ZNF331: variants seen among roughly 807,000 people sequenced by gnomAD.
The protein encoded by ZNF331 is C2H2-like zinc finger protein rearranged in thyroid adenomas.
ZNF331 carries 2 observed loss-of-function variants against 7.0 expected under a neutral mutation model. The ratio of observed to expected loss-of-function variants is 0.29; its 90% CI spans 0.12 to 0.90. The LOEUF (loss-of-function observed/expected upper bound fraction) is 0.90, where lower values mean the gene tolerates loss of function less well. Ranked by LOEUF, ZNF331 falls within the 40% of genes least tolerant of loss-of-function variation. The probability of loss-of-function intolerance (pLI) is 0.58; values close to 1 mark genes in which losing one functional copy is unlikely to be tolerated. For synonymous variants in ZNF331, 196 were observed against 205.4 expected, an observed-to-expected ratio of 0.95 and a Z score of 0.39; for missense variants, 432 against 587.7, an observed-to-expected ratio of 0.74 and a Z score of 2.74.
rs60619357 is a variant in ZNF331 at position 53,550,529 on chromosome 19, C to CTTTTTTTTTTTTTT, written c.-137-5304_-137-5291dup. Among the ~76,000 whole-genome samples, 69 of 64,546 alleles carry CTTTTTTTTTTTTTT rather than the reference C, an allele frequency of 1.1e-3. 1 individual carries two copies. The highest frequency in any genetic ancestry group is 1.8e-3 in the East Asian group (3 of 1,658). 42.3% of individuals were successfully genotyped at this position (64,546 alleles called of 152,430 possible). On this transcript the variant is annotated intron_variant, in intron 2 of 5. Transcript: ENST00000449416. ...GTTTTTGATTTAAAGTCTATTTTGT[C>CTTTTTTTTTTTTTT]TTTTTTTTTTTTTTTTTTTTTTTTT... is the stretch of plus-strand genomic sequence containing the variant.
In ZNF331 at chr19:53,571,788, T is replaced by G; in HGVS notation, c.136+58T>G. Reference sequence around the variant, plus strand: ...CTCCTGGAATATCCGCTCTCCCCTGTGAATTTCAGGACCGCCTTTCAAGAA... The same window carrying G: ...CTCCTGGAATATCCGCTCTCCCCTGGGAATTTCAGGACCGCCTTTCAAGAA... On this transcript the variant is annotated intron_variant, in intron 5 of 5. Coordinates refer to ENST00000449416, the MANE Select transcript of ZNF331 (RefSeq NM_001079906.2). This position sits in a 1 kb window ranked among gnomAD's most constrained non-coding sequence, Gnocchi z 4.7. 3 of 1,536,496 alleles carry G rather than the reference T, an allele frequency of 2.0e-6. No homozygotes were observed. Among genetic ancestry groups the G allele is most frequent in the Non-Finnish European group, 2.6e-6 (3 of 1,142,228 alleles).
At chr19:53,531,132 A>G (rs1375297067) in intron 2 of ZNF331, among the ~76,000 whole-genome samples, 1 of 152,110 alleles carries the variant, frequency 6.6e-6, no homozygotes, top group Non-Finnish European at 1.5e-5. Context: ...CCCTAAACCA[A>G]CATTCTTACG....
In ZNF331 at chr19:53,577,091, T is replaced by C. The variant is rs1209529610; in HGVS notation, c.531T>C (p.His177=). ...AFRWGNQLTQ[H]QKIHTGEKPY... is the part of the protein sequence containing the mutation. The stretch of plus-strand genomic sequence containing the variant: ...GTTGGGGCAATCAGCTTACTCAACA[T>C]CAAAAAATTCATACTGGGGAGAAGC... The change falls in exon 6 of 6, where the codon CAT becomes CAC. Residue 177 remains histidine, a synonymous_variant. Transcript: ENST00000449416. 1.9e-6 allele frequency: 3 copies of C among 1,613,852 alleles called. No individual in the cohort carries two copies. Among genetic ancestry groups the C allele is most frequent in the Middle Eastern group, 1.6e-4 (1 of 6,084 alleles).
the ZNF331 span, among the ~76,000 whole-genome samples, chr19:53,508,963 A>T: frequency 8.5e-5 from 13 of 152,268 alleles, no homozygotes; most frequent in East Asian, 2.1e-3. Flanking sequence ...CAGTCAACTT[A>T]GGTCCTAGGA....
At chr19:53,515,742 C>T (rs2086890723), upstream of ZNF331, among the ~76,000 whole-genome samples, 1 of 152,174 alleles carries the variant, frequency 6.6e-6, no homozygotes, top group African/African-American at 2.4e-5. Flanking sequence ...GGTGATCCGC[C>T]TTCCTCGGCC....
At chr19:53,549,325 G>A (rs1006749712) in intron 2 of ZNF331, among the ~76,000 whole-genome samples, 3 of 152,158 alleles carry the variant, frequency 2.0e-5, no homozygotes, top group Admixed American at 6.5e-5. Flanking sequence ...TAATAGGTCC[G>A]TTGCCCCATG....
intron 3 of ZNF331, among the ~76,000 whole-genome samples, chr19:53,564,074 CTTTT>C (rs1205257105): frequency 1.1e-4 from 10 of 94,684 alleles, no homozygotes; most frequent in Admixed American, 1.5e-4. Flanking sequence ...AGCCTGCATT[CTTTT>C]TTTTTTTTTT....
At chr19:53,529,847 G>T (rs3960889) in intron 2 of ZNF331, among the ~76,000 whole-genome samples, 39,872 of 152,044 alleles carry the variant, frequency 0.26, 6,190 homozygotes, top group African/African-American at 0.43. Context: ...GCTCAGGGCA[G>T]CCTGTGATCA....
At chr19:53,516,840 T>C (rs997692951), upstream of ZNF331, among the ~76,000 whole-genome samples, 13 of 152,184 alleles carry the variant, frequency 8.5e-5, 1 homozygote, top group Non-Finnish European at 1.9e-4. Context: ...TATTTAAAAA[T>C]TAAAAAACAG....
chr19:53,507,753 T>A, the ZNF331 span, among the ~76,000 whole-genome samples: 1 of 152,082 alleles, frequency 6.6e-6, no homozygotes, highest in Non-Finnish European at 1.5e-5. Context: ...AATTCCAGCC[T>A]TTTGGGAGGC....
chr19:53,533,737 A>C (rs1360150959), upstream of ZNF331, among the ~76,000 whole-genome samples: 2 of 152,208 alleles, frequency 1.3e-5, no homozygotes, highest in Non-Finnish European at 2.9e-5. Flanking sequence ...ATAATTCTAT[A>C]ATGACTTTCT....
At chr19:53,506,043 A>G in the ZNF331 span, among the ~76,000 whole-genome samples, 54 of 151,562 alleles carry the variant, frequency 3.6e-4, no homozygotes, top group Non-Finnish European at 7.1e-4. Flanking sequence ...AAGCTAAAAA[A>G]GAATCACACC....
the ZNF331 span, among the ~76,000 whole-genome samples, chr19:53,510,421 G>A: frequency 7.1e-6 from 1 of 139,892 alleles, no homozygotes; most frequent in Admixed American, 7.1e-5. Flanking sequence ...TAACCTGATC[G>A]AAACTTGAAC....
chr19:53,554,480 T>G (rs775543823), intron 2 of ZNF331: 13 of 152,190 alleles, frequency 8.5e-5, no homozygotes, highest in Admixed American at 4.6e-4. Flanking sequence ...GGGAGGCCCC[T>G]CCCGAGTCCG....
At chr19:53,504,465 A>G in the ZNF331 span, among the ~76,000 whole-genome samples, 1 of 151,610 alleles carries the variant, frequency 6.6e-6, no homozygotes, top group Non-Finnish European at 1.5e-5. Context: ...CCCTCCACCC[A>G]CACCGCCCTG....
At chr19:53,516,242 G>A (rs2086900202), upstream of ZNF331, among the ~76,000 whole-genome samples, 1 of 152,078 alleles carries the variant, frequency 6.6e-6, no homozygotes, top group South Asian at 2.1e-4. Context: ...CCTGAGGTCA[G>A]GAGTTCGAGA....
At chr19:53,506,204 G>T in the ZNF331 span, among the ~76,000 whole-genome samples, 1 of 135,798 alleles carries the variant, frequency 7.4e-6, no homozygotes, top group South Asian at 2.5e-4. Flanking sequence ...GCGTGGTGGC[G>T]GGCGCCTGTA....
intron 5 of ZNF331, among the ~76,000 whole-genome samples, chr19:53,572,567 T>C (rs542825054): frequency 0.035 from 2,050 of 58,434 alleles, 28 homozygotes; most frequent in African/African-American, 0.075. Flanking sequence ...TACACACACA[T>C]ATATATTATA....
At position 53,577,874 on chromosome 19, in the gene ZNF331, C is replaced by T. The variant is rs1324521761; in HGVS notation, c.1314C>T (p.Ser438=). ...QHQKTHSGAK[S]YECKECGKAC... is the part of the protein sequence containing the mutation. ...AGAAAACGCACAGTGGGGCGAAATCCTACGAATGTAAGGAGTGCGGGAAGG... is the reference window on the plus strand; with the variant it reads ...AGAAAACGCACAGTGGGGCGAAATCTTACGAATGTAAGGAGTGCGGGAAGG... Residue 438 remains serine (S), a synonymous_variant, in exon 6 of 6, where the codon TCC becomes TCT. Coordinates refer to ENST00000449416, the MANE Select transcript of ZNF331 (RefSeq NM_001079906.2). 1 of 1,613,008 alleles carries T rather than the reference C, an allele frequency of 6.2e-7. No homozygotes were observed. The highest frequency in any genetic ancestry group is 8.5e-7 in the Non-Finnish European group (1 of 1,179,856).
Sources: allele counts gnomAD v4.1 joint callset (sites outside exome capture counted in the v4.1 genomes callset), GRCh38; gene constraint gnomAD v4.1.1; non-coding constraint Gnocchi (gnomAD v3.1); transcripts MANE v1.5; gene names NCBI Gene and HGNC (gene_info 2026-07-23, HGNC 2026-07-21).